The following PRSS23 variants were observed in gnomAD, a reference collection of about 807,000 sequenced individuals.
PRSS23 encodes serine protease 23.
PRSS23 carries 25 observed loss-of-function variants against 34.7 expected under a neutral mutation model. The ratio of observed to expected loss-of-function variants is 0.72; its 90% CI spans 0.53 to 1.01. The LOEUF is 1.01. PRSS23 is among the 50% of genes least tolerant of loss of function. The probability of loss-of-function intolerance (pLI) is 0.00; values close to 1 mark genes in which losing one functional copy is unlikely to be tolerated. For missense variants in PRSS23, 445 were observed against 475.6 expected (o/e 0.94, Z 0.60); for synonymous variants, 176 against 186.6 (o/e 0.94, Z 0.46).
intron 2 of PRSS23, among the ~76,000 whole-genome samples, chr11:86,915,354 A>G (rs888922388): frequency 3.9e-5 from 6 of 152,048 alleles, no homozygotes; most frequent in African/African-American, 1.4e-4. Context: ...CTTAGGTGTA[A>G]AGCCTGGCTT....
intron 2 of PRSS23, among the ~76,000 whole-genome samples, chr11:86,919,677 G>A (rs1298882002): frequency 1.3e-5 from 2 of 152,226 alleles, no homozygotes; most frequent in African/African-American, 2.4e-5. Flanking sequence ...TTACCTCCCC[G>A]GGCCTCCGTT....
At chr11:86,860,488 A>G (rs1318509383) in intron 2 of PRSS23, among the ~76,000 whole-genome samples, 3 of 150,530 alleles carry the variant, frequency 2.0e-5, no homozygotes, top group African/African-American at 7.4e-5. Context: ...AGAAGATTAT[A>G]TTACTCCCAA....
chr11:86,887,778 G>A (rs1001167059), intron 2 of PRSS23, among the ~76,000 whole-genome samples: 3 of 152,074 alleles, frequency 2.0e-5, no homozygotes, highest in South Asian at 2.1e-4. Flanking sequence ...TTGGCTGGGC[G>A]CAGTGGCTCA....
intron 2 of PRSS23, among the ~76,000 whole-genome samples, chr11:86,916,854 T>C (rs909138628): frequency 6.6e-6 from 1 of 152,114 alleles, no homozygotes; most frequent in Admixed American, 6.5e-5. Flanking sequence ...GTAAAACTTA[T>C]ACGTCTGCCA....
At chr11:86,855,029 G>A (rs558327371) in intron 2 of PRSS23, among the ~76,000 whole-genome samples, 26 of 152,290 alleles carry the variant, frequency 1.7e-4, no homozygotes, top group Non-Finnish European at 2.8e-4. Context: ...GCTGGGTGTG[G>A]TGGCACATGC....
intron 2 of PRSS23, among the ~76,000 whole-genome samples, chr11:86,879,505 T>G: frequency 9.1e-6 from 1 of 109,522 alleles, no homozygotes. Flanking sequence ...GGTGGGGGGA[T>G]CAGCCCCCCA....
intron 2 of PRSS23, among the ~76,000 whole-genome samples, chr11:86,866,865 C>G (rs1225226748): frequency 6.6e-6 from 1 of 152,234 alleles, no homozygotes; most frequent in African/African-American, 2.4e-5. Context: ...CATACACCAG[C>G]TCCCTTTCAC....
chr11:86,939,422 A>ATTT (rs1395492928), intron 2 of PRSS23, among the ~76,000 whole-genome samples: 5 of 88,720 alleles, frequency 5.6e-5, no homozygotes, highest in East Asian at 3.4e-4. Flanking sequence ...ATATATATAT[A>ATTT]TATATTTTTT....
intron 2 of PRSS23, among the ~76,000 whole-genome samples, chr11:86,926,425 A>T (rs1342481226): frequency 6.6e-6 from 1 of 152,172 alleles, no homozygotes; most frequent in Non-Finnish European, 1.5e-5. Context: ...TGTGACTTAG[A>T]GTCCTAATAA....
intron 2 of PRSS23, among the ~76,000 whole-genome samples, chr11:86,844,573 C>G (rs997101049): frequency 6.6e-6 from 1 of 152,042 alleles, no homozygotes; most frequent in Non-Finnish European, 1.5e-5. Flanking sequence ...TGTGTCAGTC[C>G]AAGCAATAAG....
chr11:86,952,202 C>A lies in PRSS23; in HGVS notation c.*917C>A, dbSNP rs771911050. ...CCAGATGTACTGATCAGAATTGGTT[C>A]CCACAGAGTGACACTCTTCCCCAGG... On this transcript the variant is annotated 3_prime_UTR_variant, in exon 3 of 3. Transcript: ENST00000533902. The A allele has an allele frequency of 2.4e-5, 39 of 1,613,494 alleles. No homozygotes were observed. The highest frequency in any genetic ancestry group is 3.2e-5 in the Non-Finnish European group (38 of 1,179,632).
intron 2 of PRSS23, among the ~76,000 whole-genome samples, chr11:86,902,032 C>T (rs917698913): frequency 6.6e-6 from 1 of 152,002 alleles, no homozygotes; most frequent in Non-Finnish European, 1.5e-5. Context: ...TTACCTGGAG[C>T]CTAGAATGGT....
chr11:86,829,928 G>T (rs569557671), intron 2 of PRSS23, among the ~76,000 whole-genome samples: 1 of 152,172 alleles, frequency 6.6e-6, no homozygotes, highest in Non-Finnish European at 1.5e-5. Flanking sequence ...TAGGCTGCTC[G>T]GGTGTCAGGG....
intron 2 of PRSS23, among the ~76,000 whole-genome samples, chr11:86,826,318 C>CT (rs889147735): frequency 9.2e-5 from 14 of 151,986 alleles, no homozygotes; most frequent in Non-Finnish European, 1.8e-4. Flanking sequence ...TATAAGAATG[C>CT]TTGTGATTTT....
At chr11:86,950,029 G>A (rs1590942292) in intron 2 of PRSS23, 2 of 152,278 alleles carry the variant, frequency 1.3e-5, no homozygotes, top group South Asian at 4.1e-4. Context: ...ATCATTCTGA[G>A]AATGCAAGTT....
At chr11:86,844,741 A>T (rs897086553) in intron 2 of PRSS23, among the ~76,000 whole-genome samples, 2 of 152,246 alleles carry the variant, frequency 1.3e-5, no homozygotes, top group South Asian at 2.1e-4. Flanking sequence ...TTGTTTTATC[A>T]TCTCTAGTTC....
chr11:86,832,942 A>G lies in PRSS23; in HGVS notation c.206+9349A>G, dbSNP rs547079805. 3.7e-4 allele frequency: 131 copies of G among 358,578 alleles called. 2 individuals are homozygous for G. Among genetic ancestry groups the G allele is most frequent in the South Asian group, 3.0e-3 (126 of 42,258 alleles). 22.2% of individuals were successfully genotyped at this position (358,578 alleles called of 1,614,324 possible). A position where few individuals can be genotyped will look rare whatever the true frequency, so the allele number is the denominator to read the frequency against. On this transcript the variant is annotated intron_variant, in intron 2 of 2. Transcript: ENST00000533902. ...CACAGAAGAAATTAGGAATTTCCAC[A>G]TCCTTGATGCAGGTCATTTGTAAGG...
chr11:86,908,797 T>C (rs183479611), intron 2 of PRSS23, among the ~76,000 whole-genome samples: 6 of 152,188 alleles, frequency 3.9e-5, no homozygotes, highest in African/African-American at 1.2e-4. Context: ...ATTGTAATGG[T>C]TTCTATCCTT....
At chr11:86,875,859 C>A (rs1948720842) in intron 2 of PRSS23, among the ~76,000 whole-genome samples, 1 of 152,188 alleles carries the variant, frequency 6.6e-6, no homozygotes, top group Non-Finnish European at 1.5e-5. Flanking sequence ...ATTCTCACAA[C>A]CAACTTTCTA....
Sources: gnomAD v4.1 joint callset for allele counts (sites outside exome capture counted in the v4.1 genomes callset) on GRCh38, gnomAD v4.1.1 for gene constraint, MANE v1.5 for transcripts, NCBI Gene and HGNC (gene_info 2026-07-23, HGNC 2026-07-21) for gene names.